The following HNRNPA2B1 variants were observed in gnomAD, a reference collection of about 807,000 sequenced individuals.
HNRNPA2B1 encodes the protein heterogeneous nuclear ribonucleoprotein A2/B1, also known as heterogeneous nuclear ribonucleoproteins A2/B1.
HNRNPA2B1 carries 3 observed loss-of-function variants against 46.3 expected under a neutral mutation model. That is an observed-to-expected ratio of 0.06 (90% CI 0.03 to 0.17). The LOEUF is 0.17. Among genes scored for constraint, HNRNPA2B1 ranks in the 10% least tolerant of loss-of-function variants. The probability of loss-of-function intolerance (pLI) is 1.00; values close to 1 mark genes in which losing one functional copy is unlikely to be tolerated. For synonymous variants in HNRNPA2B1, 225 were observed against 133.8 expected (o/e 1.68, Z -4.70); for missense variants, 221 against 418.9 (o/e 0.53, Z 4.12).
rs541694472 is a variant in HNRNPA2B1, at chr7:26,199,508, G to A, written c.6+1064C>T. On this transcript the variant is annotated intron_variant, in intron 1 of 10. Coordinates refer to ENST00000618183, the MANE Select transcript of HNRNPA2B1 (RefSeq NM_002137.4). ...CACTTTCCTCGTAATCATCTATAAA[G>A]GTCCATGGATCTGTCCCGTAAGGGT... 2.6e-5 allele frequency: 4 copies of A among 152,268 alleles called. No individual in the cohort carries two copies. In the East Asian group the frequency reaches 5.8e-4, roughly 22 times the overall value. 9.4% of individuals were successfully genotyped at this position (152,268 alleles called of 1,614,324 possible).
chr7:26,197,867 C>T, intron 1 of HNRNPA2B1, 135 bp from the exon 2 acceptor site: 1 of 1,587,202 alleles, frequency 6.3e-7, no homozygotes, highest in Non-Finnish European at 8.5e-7. Flanking sequence ...CTAAAGTTTT[C>T]TGGGGGGAAA....
rs2128102938 is a variant in HNRNPA2B1 at position 26,190,093 on chromosome 7, A to C, written c.*2267T>G. The C allele has an allele frequency of 6.5e-6, 1 of 152,766 alleles. No homozygotes were observed. Among genetic ancestry groups the C allele is most frequent in the South Asian group, 2.1e-4 (1 of 4,828 alleles). The allele number at this position is 152,766 out of a possible 1,614,324, so 9.5% of individuals were successfully genotyped here. A position where few individuals can be genotyped will look rare whatever the true frequency, so the allele number is the denominator to read the frequency against. On this transcript the variant is annotated 3_prime_UTR_variant, in exon 11 of 11. Coordinates refer to ENST00000618183, the MANE Select transcript of HNRNPA2B1 (RefSeq NM_002137.4). ...ACCAAATATTTATAGAACAAGATTC[A>C]CACATTTTATGTGTAAACATTACAC...
chr7:26,196,560 C>T lies in HNRNPA2B1; in HGVS notation c.574G>A (p.Gly192Arg). ...QEVQSSRSGR[G>R]GNFGFGDSRG... ...GAAGAAACAGAATTAAAATTACCTC[C>T]TCTTCCACTCCTAGAACTCTGAACT... is the stretch of plus-strand genomic sequence containing the variant. Residue 192 changes from glycine to arginine, a missense_variant, in exon 5 of 11, where the codon GGA becomes AGA. This residue lies in a region of HNRNPA2B1 where 143 missense variants were observed against 200.5 expected (regional missense o/e 0.71). Transcript: ENST00000618183. 1 of 1,613,116 alleles carries T rather than the reference C, an allele frequency of 6.2e-7. No homozygotes were observed. The highest frequency in any genetic ancestry group is 8.5e-7 in the Non-Finnish European group (1 of 1,179,128).
intron 1 of HNRNPA2B1, chr7:26,198,429 A>T (rs1783924070): frequency 6.6e-6 from 1 of 152,506 alleles, no homozygotes. Context: ...CTCGAAGCTT[A>T]AAAAGTTTAA....
chr7:26,198,801 C>T (rs1376692211), intron 1 of HNRNPA2B1: 7 of 152,212 alleles, frequency 4.6e-5, no homozygotes, highest in Non-Finnish European at 1.0e-4. Flanking sequence ...AAAAGTCACA[C>T]GTAATTTTCA....
rs1583964329 is a variant in HNRNPA2B1, at chr7:26,192,537, A to G, written c.1005T>C (p.Tyr335=). ...GPGGSGGSGG[Y]GGRSRY is the part of the protein sequence containing the mutation. The stretch of plus-strand genomic sequence containing the variant: ...AAGCTCAGTATCGGCTCCTCCCACC[A>G]TAACCCCCACTTCCTCCACTGCCTC... Residue 335 remains tyrosine (Y), a synonymous_variant, in exon 10 of 11, where the codon TAT becomes TAC. Coordinates refer to ENST00000618183, the MANE Select transcript of HNRNPA2B1 (RefSeq NM_002137.4). 2 of 1,614,012 alleles carry G rather than the reference A, an allele frequency of 1.2e-6. No homozygotes were observed. The highest frequency in any genetic ancestry group is 8.5e-7 in the Non-Finnish European group (1 of 1,179,874).
Position 26,193,710 on chromosome 7 carries a change from C to T in HNRNPA2B1, c.722-16G>A, listed in dbSNP as rs777597130. ...AAATTGCCACCTATTATAAAATAAG[C>T]CTTTAAGTAATCACTTAATATTTTC... On this transcript the variant is annotated splice_polypyrimidine_tract_variant and intron_variant, in intron 7 of 10. Transcript: ENST00000618183. 7 of 1,603,688 alleles carry T rather than the reference C, an allele frequency of 4.4e-6. No individual in the cohort carries two copies. The South Asian group carries it at 5.6e-5, about 13-fold the overall frequency.
chr7:26,200,504 A>G, intron 1 of HNRNPA2B1, 68 bp downstream of exon 1: 1 of 1,540,768 alleles, frequency 6.5e-7, no homozygotes, highest in South Asian at 1.1e-5. Context: ...CGGCTGGCCG[A>G]CTTCCACTGA....
rs1474623358 is a variant in HNRNPA2B1 at position 26,195,779 on chromosome 7, T to C, written c.721+68A>G. ...AATGTTTAAAAACTCAAAATATAAA[T>C]GAAGTAAATATACGATATAGTTAAG... On this transcript the variant is annotated intron_variant, in intron 7 of 10. Transcript: ENST00000618183. 19 of 1,523,604 alleles carry C rather than the reference T, an allele frequency of 1.2e-5. No individual in the cohort carries two copies. In the South Asian group the frequency reaches 2.1e-4, roughly 17 times the overall value. The allele number at this position is 1,523,604 out of a possible 1,614,324, so 94.4% of individuals were successfully genotyped here.
intron 3 of HNRNPA2B1, 54 bp from the exon 4 acceptor site, chr7:26,197,071 T>C (rs981636349): frequency 1.9e-5 from 27 of 1,410,480 alleles, no homozygotes; most frequent in Middle Eastern, 1.8e-4. Context: ...ACAAGCATAA[T>C]TCAAAGCACC....
At chr7:26,197,252 T>G in intron 3 of HNRNPA2B1, 63 bp downstream of exon 3, 1 of 1,507,884 alleles carries the variant, frequency 6.6e-7, no homozygotes, top group Non-Finnish European at 8.9e-7. Context: ...CAGAAATAGT[T>G]TCTGATTTTC....
intron 1 of HNRNPA2B1, chr7:26,200,336 C>T (rs1784275325): frequency 3.5e-6 from 2 of 577,886 alleles, no homozygotes; most frequent in South Asian, 4.0e-5. Flanking sequence ...CATGTGAAAG[C>T]TCCCCATCCC....
rs1562731630 is a variant in HNRNPA2B1, at chr7:26,200,623, T to G, written c.-46A>C. On this transcript the variant is annotated 5_prime_UTR_variant, in exon 1 of 11. Coordinates refer to ENST00000618183, the MANE Select transcript of HNRNPA2B1 (RefSeq NM_002137.4). ...CCCGATTTCCCGCAGCCGAGCGAGA[T>G]GAGAGAGATCTCCGCGGACGAACAC... The G allele has an allele frequency of 6.2e-7, 1 of 1,613,218 alleles. No individual in the cohort carries two copies. Among genetic ancestry groups the G allele is most frequent in the Non-Finnish European group, 8.5e-7 (1 of 1,179,852 alleles).
chr7:26,197,895 A>G, intron 1 of HNRNPA2B1, 163 bp from the exon 2 acceptor site: 1 of 1,552,608 alleles, frequency 6.4e-7, no homozygotes, highest in Non-Finnish European at 8.7e-7. Context: ...CTTACATCAA[A>G]TTTAAACCAT....
rs916025504 is a variant in HNRNPA2B1, at chr7:26,200,741, G to C, written c.-164C>G. 1 of 831,614 alleles carries C rather than the reference G, an allele frequency of 1.2e-6. No individual in the cohort carries two copies. The highest frequency in any genetic ancestry group is 2.0e-6 in the Non-Finnish European group (1 of 499,766). The allele number at this position is 831,614 out of a possible 1,614,324, so 51.5% of individuals were successfully genotyped here. A position where few individuals can be genotyped will look rare whatever the true frequency, so the allele number is the denominator to read the frequency against. On this transcript the variant is annotated 5_prime_UTR_variant, in exon 1 of 11. Coordinates refer to ENST00000618183, the MANE Select transcript of HNRNPA2B1 (RefSeq NM_002137.4). The stretch of plus-strand genomic sequence containing the variant: ...CCTCCGCACGGGACCCGGCGCTGCT[G>C]CTACTGCCGCTAGAGCCGCTGCCGC...
intron 9 of HNRNPA2B1, 109 bp from the exon 10 acceptor site, chr7:26,192,686 A>G: frequency 3.3e-6 from 3 of 909,308 alleles, no homozygotes; most frequent in Non-Finnish European, 1.8e-6. Flanking sequence ...TTAAACAAGC[A>G]GATCCTAATC....
chr7:26,200,382 G>A, intron 1 of HNRNPA2B1, 190 bp downstream of exon 1: 2 of 667,572 alleles, frequency 3.0e-6, no homozygotes, highest in Admixed American at 4.5e-5. Context: ...CCGGGAGGCT[G>A]AGGGTGGGGA....
rs1583986874 is a variant in HNRNPA2B1, at chr7:26,196,032, G to C, written c.659-123C>G. The C allele has an allele frequency of 4.6e-6, 6 of 1,307,718 alleles. No homozygotes were observed. In the South Asian group the frequency reaches 1.0e-4, roughly 22 times the overall value. The allele number at this position is 1,307,718 out of a possible 1,614,324, so 81.0% of individuals were successfully genotyped here. Reference sequence around the variant, plus strand: ...AAGAACCGCAGAAAAGGACACACCAGTGCTACCAGTTTACCCACAAAACAT... The same window carrying C: ...AAGAACCGCAGAAAAGGACACACCACTGCTACCAGTTTACCCACAAAACAT... On this transcript the variant is annotated intron_variant, in intron 6 of 10. Transcript: ENST00000618183.
At chr7:26,197,938 AAAAATTG>A in intron 1 of HNRNPA2B1, 1 of 1,095,624 alleles carries the variant, frequency 9.1e-7, no homozygotes, top group Non-Finnish European at 1.3e-6. Context: ...TGTTACACCA[AAAAATTG>A]CCTCAGCTGA....
Sources: gnomAD v4.1 joint callset for allele counts on GRCh38, gnomAD v4.1.1 for gene constraint, gnomAD v4.1.1 regional missense constraint, MANE v1.5 for transcripts, NCBI Gene and HGNC (gene_info 2026-07-23, HGNC 2026-07-21) for gene names.